The following PUDP variants were observed in gnomAD, a reference collection of about 807,000 sequenced individuals.
PUDP encodes the protein pseudouridine-5'-phosphatase.
Under a neutral mutation model 9.4 loss-of-function variants are expected in PUDP, and 8 were observed. The ratio of observed to expected loss-of-function variants is 0.85; its 90% CI spans 0.50 to 1.53. The LOEUF is 1.53. Among genes scored for constraint, PUDP ranks in the 40% most tolerant of loss-of-function variants. The pLI is 0.00. For missense variants in PUDP, 188 were observed against 189.7 expected (o/e 0.99, Z 0.05); for synonymous variants, 99 against 80.7 (o/e 1.23, Z -1.22).
intron 3 of PUDP, among the ~76,000 whole-genome samples, chrX:6,863,156 T>C (rs1602650285): frequency 8.9e-6 from 1 of 111,846 alleles, no homozygotes; most frequent in Admixed American, 9.5e-5. Flanking sequence ...CTCAAATGAT[T>C]ATCCTGCCTC....
chrX:6,971,615 G>T (rs1193806497), intron 3 of PUDP, among the ~76,000 whole-genome samples: 42 of 106,014 alleles, frequency 4.0e-4, no homozygotes, highest in African/African-American at 6.9e-4. Context: ...CAGTAGAGAC[G>T]GGGTTTCACC....
At chrX:6,747,374 A>G (rs776808562) in intron 3 of PUDP, among the ~76,000 whole-genome samples, 2 of 111,997 alleles carry the variant, frequency 1.8e-5, no homozygotes, top group South Asian at 7.5e-4. Context: ...AGGTATATGC[A>G]TATGCATGAG....
intron 3 of PUDP, among the ~76,000 whole-genome samples, chrX:7,074,292 A>G (rs1289977975): frequency 1.1e-4 from 12 of 112,320 alleles, no homozygotes. Context: ...GCTGACGCCC[A>G]GGAAATGGAG....
At chrX:7,086,979 G>A (rs1303151432) in intron 2 of PUDP, among the ~76,000 whole-genome samples, 1 of 111,780 alleles carries the variant, frequency 8.9e-6, no homozygotes, top group Non-Finnish European at 1.9e-5. Flanking sequence ...AGCCAAACAC[G>A]ACTGACTGAG....
intron 1 of PUDP, among the ~76,000 whole-genome samples, chrX:7,007,594 A>T (rs1461027921): frequency 8.2e-4 from 79 of 96,377 alleles, no homozygotes; most frequent in African/African-American, 3.1e-3. Flanking sequence ...GCATCTCTGA[A>T]GATGCCACTT....
At chrX:6,805,074 C>A (rs1926027432) in intron 3 of PUDP, among the ~76,000 whole-genome samples, 1 of 110,468 alleles carries the variant, frequency 9.1e-6, no homozygotes, top group Non-Finnish European at 1.9e-5. Context: ...CCAGACCAGC[C>A]TGGGCAACAT....
intron 3 of PUDP, among the ~76,000 whole-genome samples, chrX:6,907,894 G>A (rs1472852064): frequency 1.8e-5 from 2 of 112,272 alleles, no homozygotes; most frequent in Admixed American, 1.9e-4. Context: ...TGTTTCATGA[G>A]CTGCCAATAT....
intron 3 of PUDP, among the ~76,000 whole-genome samples, chrX:6,841,931 G>A (rs186381510): frequency 9.0e-6 from 1 of 111,004 alleles, no homozygotes; most frequent in Non-Finnish European, 1.9e-5. Context: ...GTGTGTGTAT[G>A]TTTTATGTAT....
intron 1 of PUDP, among the ~76,000 whole-genome samples, chrX:7,040,800 G>A (rs1052600938): frequency 9.1e-6 from 1 of 110,316 alleles, no homozygotes; most frequent in Admixed American, 9.6e-5. Flanking sequence ...TGAGTGCTCG[G>A]GACATCATGC....
At chrX:7,028,556 A>C (rs1929749926) in intron 1 of PUDP, among the ~76,000 whole-genome samples, 1 of 111,242 alleles carries the variant, frequency 9.0e-6, no homozygotes, top group Non-Finnish European at 1.9e-5. Context: ...CAGGCTTGGA[A>C]GACAAGGGAA....
At chrX:7,040,056 C>T (rs899529800) in intron 1 of PUDP, among the ~76,000 whole-genome samples, 10 of 112,131 alleles carry the variant, frequency 8.9e-5, no homozygotes, top group South Asian at 3.7e-4. Flanking sequence ...AGGTAAGGGA[C>T]CATCACACAG....
At chrX:6,841,098 G>A (rs1247126586) in intron 3 of PUDP, among the ~76,000 whole-genome samples, 1 of 110,095 alleles carries the variant, frequency 9.1e-6, no homozygotes, top group Non-Finnish European at 1.9e-5. Flanking sequence ...CCAATATTGT[G>A]AAACCCTGTC....
intron 3 of PUDP, among the ~76,000 whole-genome samples, chrX:6,753,370 G>A (rs1280779785): frequency 1.8e-5 from 2 of 112,430 alleles, no homozygotes; most frequent in African/African-American, 6.5e-5. Context: ...TCCAGTCGTT[G>A]AGTGATGGGC....
At chrX:6,823,637 C>T (rs1333313364) in intron 3 of PUDP, among the ~76,000 whole-genome samples, 2 of 112,434 alleles carry the variant, frequency 1.8e-5, no homozygotes, top group Non-Finnish European at 3.8e-5. Context: ...AAAGCGAAAG[C>T]AAGTTTATTA....
intron 1 of PUDP, among the ~76,000 whole-genome samples, chrX:6,983,306 T>C (rs1054329382): frequency 1.4e-4 from 16 of 111,134 alleles, no homozygotes; most frequent in African/African-American, 3.9e-4. Flanking sequence ...GGAGTGTTGA[T>C]TGGTTGGCTT....
chrX:6,814,073 C>G (rs1926188061), intron 3 of PUDP, among the ~76,000 whole-genome samples: 1 of 110,702 alleles, frequency 9.0e-6, no homozygotes, highest in East Asian at 2.9e-4. Context: ...ACGGTTCCCT[C>G]TCCTCTTGAT....
intron 3 of PUDP, among the ~76,000 whole-genome samples, chrX:6,879,071 A>T (rs1927307582): frequency 8.9e-6 from 1 of 111,748 alleles, no homozygotes; most frequent in South Asian, 3.8e-4. Context: ...ATAGCCTCCT[A>T]GATGGAAAAG....
chrX:7,139,058 C>G (rs1932773503), intron 1 of PUDP, among the ~76,000 whole-genome samples: 1 of 111,678 alleles, frequency 9.0e-6, no homozygotes, highest in Non-Finnish European at 1.9e-5. Flanking sequence ...AGTATGCTAC[C>G]CCAAATGTGA....
intron 3 of PUDP, among the ~76,000 whole-genome samples, chrX:6,880,627 G>A (rs1003546558): frequency 8.9e-6 from 1 of 112,076 alleles, no homozygotes; most frequent in African/African-American, 3.2e-5. Context: ...CTGGTATGGA[G>A]CACTCTGCAA....
Sources: allele counts gnomAD v4.1 joint callset (sites outside exome capture counted in the v4.1 genomes callset), GRCh38; gene constraint gnomAD v4.1.1; transcripts MANE v1.5; gene names NCBI Gene and HGNC (gene_info 2026-07-23, HGNC 2026-07-21).